Variants in GFOD2 observed in about 807,000 individuals in gnomAD.
GFOD2 encodes glucose-fructose oxidoreductase domain-containing protein 2.
A neutral mutation model predicts 24.6 loss-of-function variants in GFOD2; 9 were observed. The observed-to-expected ratio is 0.37, with a 90% CI of 0.22 to 0.64. The LOEUF is 0.64. GFOD2 is among the 30% of genes least tolerant of loss of function. The pLI is 0.65. For synonymous variants in GFOD2, 211 were observed against 224.8 expected, an observed-to-expected ratio of 0.94 and a Z score of 0.55; for missense variants, 476 against 532.5, an observed-to-expected ratio of 0.89 and a Z score of 1.04.
At chr16:67,707,341 G>A (rs994052157) in intron 1 of GFOD2, among the ~76,000 whole-genome samples, 9 of 148,154 alleles carry the variant, frequency 6.1e-5, no homozygotes, top group Non-Finnish European at 1.0e-4. Flanking sequence ...CTGGGCCACA[G>A]AGTGAAACTC....
intron 1 of GFOD2, among the ~76,000 whole-genome samples, chr16:67,687,364 G>A (rs1218733824): frequency 6.6e-6 from 1 of 151,920 alleles, no homozygotes; most frequent in Non-Finnish European, 1.5e-5. Context: ...TATTAGGCCG[G>A]GTGCGGTGGC....
In GFOD2 at chr16:67,675,990, G is replaced by C. The variant is rs768507870; in HGVS notation, c.323C>G (p.Thr108Arg). The C allele has an allele frequency of 1.2e-6, 2 of 1,614,160 alleles. No homozygotes were observed. Among genetic ancestry groups the C allele is most frequent in the Admixed American group, 3.3e-5 (2 of 60,022 alleles). The change falls in exon 3 of 3, where the codon ACA becomes AGA. Residue 108 changes from threonine (T) to arginine (R), a missense_variant. Thr to Arg is a moderately conservative substitution (Grantham distance 71). Transcript: ENST00000268797. ...GAGCTGCGGGTAGTAGCGCGAGGCT[G>C]TCACCATCCGGAAGGCATCCACCGA... ...ATSVDAFRMV[T>R]ASRYYPQLMS... is the part of the protein sequence containing the mutation.
In GFOD2 at chr16:67,716,766, T is replaced by C. The variant is rs117568204; in HGVS notation, c.-88+2397A>G. Among the ~76,000 whole-genome samples the C allele has an allele frequency of 2.0e-5, 3 of 152,308 alleles. No homozygotes were observed. In the East Asian group the frequency reaches 5.8e-4, roughly 29 times the overall value. On this transcript the variant is annotated intron_variant, in intron 1 of 2. Coordinates refer to ENST00000268797, the MANE Select transcript of GFOD2 (RefSeq NM_030819.4). ...CAGAGGTTACATTTGCTTTTGATAA[T>C]GCCCCATTATAACTCCTGAGGTATT...
In GFOD2 at chr16:67,681,978, G is replaced by A. The variant is rs375858182; in HGVS notation, c.259+3479C>T. On this transcript the variant is annotated intron_variant, in intron 2 of 2. Transcript: ENST00000268797. ...GATGATTGCCTGAGGTTAGGAGTTC[G>A]AAACCAGCTTGAACAACACAGCAAG... 9.5e-5 allele frequency: 58 copies of A among 611,810 alleles called. 1 individual carries two copies. The East Asian group carries it at 3.6e-3, about 38-fold the overall frequency. 37.9% of individuals were successfully genotyped at this position (611,810 alleles called of 1,614,324 possible). A position where few individuals can be genotyped will look rare whatever the true frequency, so the allele number is the denominator to read the frequency against.
chr16:67,678,491 A>AG (rs1224080898), intron 2 of GFOD2, among the ~76,000 whole-genome samples: 1 of 151,778 alleles, frequency 6.6e-6, no homozygotes, highest in African/African-American at 2.4e-5. Flanking sequence ...AAAAAAAAAA[A>AG]AAAGAAAAAG....
intron 2 of GFOD2, chr16:67,681,941 G>A (rs954664665): frequency 3.1e-6 from 3 of 955,102 alleles, no homozygotes; most frequent in Non-Finnish European, 3.7e-6. Flanking sequence ...GCACTTTGGG[G>A]GGCCAAAGTA....
intron 2 of GFOD2, among the ~76,000 whole-genome samples, chr16:67,679,178 T>C (rs557858363): frequency 2.0e-5 from 3 of 151,704 alleles, no homozygotes; most frequent in East Asian, 3.9e-4. Context: ...AATAAATAAA[T>C]AAATAAAAGA....
chr16:67,696,309 G>A (rs1182668474), intron 1 of GFOD2, among the ~76,000 whole-genome samples: 1 of 151,134 alleles, frequency 6.6e-6, no homozygotes. Context: ...CACCGCGCCC[G>A]GCCGGGAATC....
intron 1 of GFOD2, among the ~76,000 whole-genome samples, chr16:67,712,322 C>T (rs2053480559): frequency 7.6e-6 from 1 of 130,844 alleles, no homozygotes; most frequent in East Asian, 2.4e-4. Context: ...TCCACGGTCT[C>T]CCTCTGATGC....
intron 1 of GFOD2, among the ~76,000 whole-genome samples, chr16:67,715,406 A>C (rs1012017444): frequency 2.0e-5 from 3 of 151,688 alleles, no homozygotes; most frequent in Non-Finnish European, 2.9e-5. Context: ...ATGAGAGAAA[A>C]TTTTTTTTTG....
intron 1 of GFOD2, among the ~76,000 whole-genome samples, chr16:67,706,690 C>T (rs1016708754): frequency 6.6e-6 from 1 of 152,030 alleles, no homozygotes; most frequent in Non-Finnish European, 1.5e-5. Flanking sequence ...TCATTGAAAA[C>T]TGGATTTCAA....
intron 2 of GFOD2, chr16:67,681,675 G>T (rs550624913): frequency 1.1e-5 from 11 of 965,636 alleles, no homozygotes; most frequent in Middle Eastern, 1.1e-3. Context: ...CTCCCAAAGT[G>T]CTGGATTAGA....
chr16:67,710,134 TA>T (rs1336995436), intron 1 of GFOD2, among the ~76,000 whole-genome samples: 1 of 151,566 alleles, frequency 6.6e-6, no homozygotes, highest in African/African-American at 2.4e-5. Context: ...TTTTATTTAT[TA>T]TTTTTTTAGA....
In GFOD2 at chr16:67,676,284, C is replaced by T. The variant is rs888101198; in HGVS notation, c.260-231G>A. 3.1e-5 allele frequency: 16 copies of T among 519,960 alleles called. No homozygotes were observed. The East Asian group carries it at 3.3e-4, about 11-fold the overall frequency. The allele number at this position is 519,960 out of a possible 1,614,324, so 32.2% of individuals were successfully genotyped here. A position where few individuals can be genotyped will look rare whatever the true frequency, so the allele number is the denominator to read the frequency against. On this transcript the variant is annotated intron_variant, in intron 2 of 2. Transcript: ENST00000268797. ...GTGGGACCACAGGTGTGTACCACCA[C>T]GCCTGGCTAATTTAAAATTTTTTTT... is the stretch of plus-strand genomic sequence containing the variant.
chr16:67,678,224 C>T (rs1485758804), intron 2 of GFOD2, among the ~76,000 whole-genome samples: 1 of 152,174 alleles, frequency 6.6e-6, no homozygotes, highest in East Asian at 1.9e-4. Context: ...CGCCTATAAT[C>T]CCAGCACTTT....
At chr16:67,687,510 G>A (rs1037599615) in intron 1 of GFOD2, among the ~76,000 whole-genome samples, 10 of 151,672 alleles carry the variant, frequency 6.6e-5, no homozygotes, top group Non-Finnish European at 1.2e-4. Context: ...TTGTGGTGGT[G>A]GGTGCCTGTA....
intron 1 of GFOD2, among the ~76,000 whole-genome samples, chr16:67,704,774 A>C (rs1479821467): frequency 6.6e-6 from 1 of 152,202 alleles, no homozygotes; most frequent in African/African-American, 2.4e-5. Flanking sequence ...TCCTTTATAA[A>C]TCCACACACC....
chr16:67,688,844 C>A (rs1322298227), intron 1 of GFOD2, among the ~76,000 whole-genome samples: 1 of 150,436 alleles, frequency 6.6e-6, no homozygotes, highest in African/African-American at 2.5e-5. Context: ...ACGCCATTCT[C>A]CCGCCTCAGC....
At chr16:67,718,855 G>A (rs754776183) in intron 1 of GFOD2, among the ~76,000 whole-genome samples, 2 of 152,186 alleles carry the variant, frequency 1.3e-5, no homozygotes, top group Non-Finnish European at 2.9e-5. Context: ...GCACAGGGCG[G>A]GGGAGACTAG....
Sources: allele counts gnomAD v4.1 joint callset (sites outside exome capture counted in the v4.1 genomes callset), GRCh38; gene constraint gnomAD v4.1.1; transcripts MANE v1.5; gene names NCBI Gene and HGNC (gene_info 2026-07-23, HGNC 2026-07-21).